The following RASAL2 variants were observed in gnomAD, a reference collection of about 807,000 sequenced individuals.
The protein encoded by RASAL2 is ras GTPase-activating protein nGAP.
Under a neutral mutation model 128.9 loss-of-function variants are expected in RASAL2, and 58 were observed. That is an observed-to-expected ratio of 0.45 (90% confidence interval 0.36 to 0.56). The LOEUF is 0.56. Ranked by LOEUF, RASAL2 falls within the 20% of genes least tolerant of loss-of-function variation. The probability of loss-of-function intolerance (pLI) is 0.00; values close to 1 mark genes in which losing one functional copy is unlikely to be tolerated. For synonymous variants in RASAL2, 561 were observed against 580.8 expected, an observed-to-expected ratio of 0.97 and a Z score of 0.49; for missense variants, 1,360 against 1,601.6, an observed-to-expected ratio of 0.85 and a Z score of 2.57.
rs1648447390 is a variant in RASAL2 at position 178,473,290 on chromosome 1, C to T, written c.*51C>T. The stretch of plus-strand genomic sequence containing the variant: ...GAAGGAAATTGACCCACTCTCCTAT[C>T]TCCAGACCTTTACCTAGCCCCTCCA... On this transcript the variant is annotated 3_prime_UTR_variant, in exon 18 of 18. Coordinates refer to ENST00000367649, the MANE Select transcript of RASAL2 (RefSeq NM_170692.4). 5.0e-6 allele frequency: 8 copies of T among 1,602,606 alleles called. No individual in the cohort carries two copies. The highest frequency in any genetic ancestry group is 5.1e-6 in the Non-Finnish European group (6 of 1,170,360).
At chr1:178,157,479 T>C (rs1292237353) in intron 1 of RASAL2, among the ~76,000 whole-genome samples, 1 of 152,120 alleles carries the variant, frequency 6.6e-6, no homozygotes, top group African/African-American at 2.4e-5. Context: ...AATTGGTCAG[T>C]GGGGAAGGAC....
In RASAL2 at chr1:178,351,655, T is replaced by C. The variant is rs146555358; in HGVS notation, c.458-38445T>C. The stretch of plus-strand genomic sequence containing the variant: ...GAGGCAGAAGAGTGGCGTGAACCCG[T>C]GAGGCAGAGCTTGCAGTGAGCCAAG... On this transcript the variant is annotated intron_variant, in intron 3 of 17. Transcript: ENST00000367649. Among the ~76,000 whole-genome samples, 207 of 147,754 alleles carry C rather than the reference T, an allele frequency of 1.4e-3. 4 individuals carry two copies. The East Asian group carries it at 0.037, about 27-fold the overall frequency.
At chr1:178,245,220 G>T (rs912065622) in intron 1 of RASAL2, among the ~76,000 whole-genome samples, 1 of 152,056 alleles carries the variant, frequency 6.6e-6, no homozygotes, top group East Asian at 1.9e-4. Flanking sequence ...CTATTTCTCC[G>T]CATCCTCGCC....
intron 5 of RASAL2, among the ~76,000 whole-genome samples, chr1:178,438,614 G>C (rs1676407282): frequency 6.6e-6 from 1 of 151,954 alleles, no homozygotes; most frequent in Admixed American, 6.6e-5. Context: ...GACAAGTCAT[G>C]ATTCCTAGCA....
At chr1:178,209,270 T>G (rs1485713741) in intron 1 of RASAL2, among the ~76,000 whole-genome samples, 1 of 152,184 alleles carries the variant, frequency 6.6e-6, no homozygotes, top group African/African-American at 2.4e-5. Flanking sequence ...AGACTTCCCA[T>G]AAATGCTTTT....
At chr1:178,158,580 C>T (rs1164824671) in intron 1 of RASAL2, among the ~76,000 whole-genome samples, 2 of 150,950 alleles carry the variant, frequency 1.3e-5, no homozygotes, top group Non-Finnish European at 3.0e-5. Flanking sequence ...ATTAAATGAG[C>T]TAATTTATAT....
At chr1:178,132,506 A>G (rs879191844) in intron 1 of RASAL2, among the ~76,000 whole-genome samples, 1 of 152,178 alleles carries the variant, frequency 6.6e-6, no homozygotes, top group Admixed American at 6.5e-5. Context: ...ATAGGATCAT[A>G]TATGAGGAGA....
intron 3 of RASAL2, among the ~76,000 whole-genome samples, chr1:178,377,735 C>T (rs1250459664): frequency 5.3e-5 from 8 of 151,832 alleles, no homozygotes; most frequent in African/African-American, 1.9e-4. Flanking sequence ...TAATCACAGT[C>T]GTGATAAGGT....
chr1:178,190,409 T>C (rs1662452067), intron 1 of RASAL2, among the ~76,000 whole-genome samples: 1 of 152,142 alleles, frequency 6.6e-6, no homozygotes. Context: ...TCTAAAATAT[T>C]TGTTTGTGGT....
intron 3 of RASAL2, among the ~76,000 whole-genome samples, chr1:178,302,068 A>G (rs758990922): frequency 3.3e-5 from 5 of 152,140 alleles, no homozygotes; most frequent in Non-Finnish European, 5.9e-5. Context: ...AGGGAAAAAC[A>G]CTACTTCTAG....
At chr1:178,190,555 G>A (rs1295670569) in intron 1 of RASAL2, among the ~76,000 whole-genome samples, 1 of 152,102 alleles carries the variant, frequency 6.6e-6, no homozygotes, top group Non-Finnish European at 1.5e-5. Context: ...AGCTGCTACT[G>A]ATAAGATTGA....
At chr1:178,291,235 T>A (rs1667269168) in intron 2 of RASAL2, among the ~76,000 whole-genome samples, 2 of 152,140 alleles carry the variant, frequency 1.3e-5, no homozygotes, top group African/African-American at 4.8e-5. Context: ...GGAACATAGT[T>A]TGCAAGAGGA....
At chr1:178,230,101 G>A (rs1431483541) in intron 1 of RASAL2, among the ~76,000 whole-genome samples, 1 of 152,068 alleles carries the variant, frequency 6.6e-6, no homozygotes, top group Non-Finnish European at 1.5e-5. Flanking sequence ...CATAATATCT[G>A]TGAGATGCAT....
At chr1:178,186,418 A>G (rs938590985) in intron 1 of RASAL2, among the ~76,000 whole-genome samples, 3 of 152,060 alleles carry the variant, frequency 2.0e-5, no homozygotes. Context: ...TGCTTACATT[A>G]GGCTTAAATA....
chr1:178,269,858 G>A (rs578080672), intron 1 of RASAL2, among the ~76,000 whole-genome samples: 4 of 152,074 alleles, frequency 2.6e-5, no homozygotes, highest in East Asian at 3.9e-4. Context: ...CTGCGGACTC[G>A]CCCTGAATTC....
At chr1:178,206,900 C>G (rs776835085) in intron 1 of RASAL2, among the ~76,000 whole-genome samples, 5 of 152,018 alleles carry the variant, frequency 3.3e-5, no homozygotes, top group Non-Finnish European at 7.4e-5. Flanking sequence ...CTCAGCCAGA[C>G]GAGGTGGCTT....
At chr1:178,273,411 C>A (rs1285196031) in intron 1 of RASAL2, among the ~76,000 whole-genome samples, 1 of 152,074 alleles carries the variant, frequency 6.6e-6, no homozygotes, top group African/African-American at 2.4e-5. Context: ...ATATCTTTAA[C>A]AAATTATTGT....
intron 2 of RASAL2, among the ~76,000 whole-genome samples, chr1:178,291,093 G>T (rs1667263025): frequency 6.6e-6 from 1 of 152,080 alleles, no homozygotes; most frequent in African/African-American, 2.4e-5. Flanking sequence ...ATTTATGCTT[G>T]GACTGTATCT....
intron 1 of RASAL2, among the ~76,000 whole-genome samples, chr1:178,101,333 G>T (rs966235390): frequency 6.6e-6 from 1 of 152,146 alleles, no homozygotes; most frequent in Non-Finnish European, 1.5e-5. Context: ...TCCCTTACCA[G>T]GTGTTAGTAA....
Sources: gnomAD v4.1 joint callset for allele counts (sites outside exome capture counted in the v4.1 genomes callset) on GRCh38, gnomAD v4.1.1 for gene constraint, MANE v1.5 for transcripts, NCBI Gene and HGNC (gene_info 2026-07-23, HGNC 2026-07-21) for gene names.